Variants in SSU72 observed in about 807,000 individuals in gnomAD.
SSU72 encodes SSU72 homolog, RNA polymerase II CTD phosphatase.
SSU72 carries 12 observed loss-of-function variants against 22.7 expected under a neutral mutation model. That is an observed-to-expected ratio of 0.53 (90% CI 0.34 to 0.86). The LOEUF (loss-of-function observed/expected upper bound fraction) is 0.86, where lower values mean the gene tolerates loss of function less well. SSU72 is among the 40% of genes least tolerant of loss of function. The probability of loss-of-function intolerance (pLI) is 0.02; values close to 1 mark genes in which losing one functional copy is unlikely to be tolerated. For missense variants in SSU72, 151 were observed against 249.8 expected (o/e 0.60, Z 2.67); for synonymous variants, 116 against 98.3 (o/e 1.18, Z -1.06).
At chr1:1,544,721 T>G in intron 3 of SSU72, 142 bp downstream of exon 3, 1 of 1,210,848 alleles carries the variant, frequency 8.3e-7, no homozygotes. Context: ...CTGCCTGCCT[T>G]CCAGGGTGCT....
At position 1,554,661 on chromosome 1, in the gene SSU72, A is replaced by G. The variant is rs1263924099; in HGVS notation, c.225-9659T>C. 6.6e-6 allele frequency among the ~76,000 whole-genome samples: 1 copy of G among 152,082 alleles called. No individual in the cohort carries two copies. The highest frequency in any genetic ancestry group is 6.6e-5 in the Admixed American group (1 of 15,260). Reference sequence around the variant, plus strand: ...ACTACCCTGCTATGAGTCACCAGGGACTTGAAAGGGAACCCACAGGCACTG... The same window carrying G: ...ACTACCCTGCTATGAGTCACCAGGGGCTTGAAAGGGAACCCACAGGCACTG... On this transcript the variant is annotated intron_variant, in intron 2 of 4. Coordinates refer to ENST00000291386, the MANE Select transcript of SSU72 (RefSeq NM_014188.3). The surrounding 1 kb of genome is among the most constrained non-coding windows in gnomAD (Gnocchi z 4.1).
intron 1 of SSU72, among the ~76,000 whole-genome samples, 164 bp downstream of exon 1, chr1:1,574,314 A>G (rs971927087): frequency 6.6e-6 from 1 of 152,040 alleles, no homozygotes; most frequent in African/African-American, 2.4e-5. Flanking sequence ...CCGCGTGTGG[A>G]CTACGCGCGC....
At chr1:1,556,600 G>A (rs1642524630) in intron 2 of SSU72, among the ~76,000 whole-genome samples, 1 of 152,116 alleles carries the variant, frequency 6.6e-6, no homozygotes, top group African/African-American at 2.4e-5. Context: ...CACAGAGGCT[G>A]CACAAACAGA....
chr1:1,559,275 C>T (rs1380946963), intron 2 of SSU72, among the ~76,000 whole-genome samples: 16 of 152,092 alleles, frequency 1.1e-4, no homozygotes, highest in Admixed American at 7.9e-4. Flanking sequence ...GTGGAACGGG[C>T]GGACCTGTAG....
chr1:1,556,516 G>T (rs1642523240), intron 2 of SSU72, among the ~76,000 whole-genome samples: 1 of 152,052 alleles, frequency 6.6e-6, no homozygotes, highest in Non-Finnish European at 1.5e-5. Context: ...ACTCCAGCCT[G>T]GGCAAAAAGA....
intron 3 of SSU72, 142 bp from the exon 4 acceptor site, chr1:1,544,129 A>G (rs1570379185): frequency 4.8e-6 from 3 of 630,858 alleles, no homozygotes; most frequent in Non-Finnish European, 5.5e-6. Flanking sequence ...GGGGAGCACA[A>G]TGAATGAGCC....
intron 2 of SSU72, chr1:1,564,469 T>C (rs1642633625): frequency 6.8e-7 from 1 of 1,470,480 alleles, no homozygotes; most frequent in African/African-American, 1.4e-5. Flanking sequence ...TGGGATTTTG[T>C]GGGTTCCACC....
At chr1:1,557,668 C>A (rs1394538594) in intron 2 of SSU72, among the ~76,000 whole-genome samples, 1 of 148,620 alleles carries the variant, frequency 6.7e-6, no homozygotes, top group Non-Finnish European at 1.5e-5. Flanking sequence ...GGTGGTACGC[C>A]GCACCTGTAA....
intron 1 of SSU72, among the ~76,000 whole-genome samples, chr1:1,568,605 C>T (rs1261247705): frequency 6.6e-6 from 1 of 151,892 alleles, no homozygotes; most frequent in Non-Finnish European, 1.5e-5. Context: ...GACTCTGTCT[C>T]AAAAAAACTC....
At chr1:1,547,103 G>A (rs1642399831) in intron 2 of SSU72, among the ~76,000 whole-genome samples, 1 of 152,172 alleles carries the variant, frequency 6.6e-6, no homozygotes, top group South Asian at 2.1e-4. Flanking sequence ...AGGGGCAGGT[G>A]CAGGGACCGG....
intron 2 of SSU72, among the ~76,000 whole-genome samples, chr1:1,559,202 A>T (rs1027628585): frequency 6.6e-6 from 1 of 152,250 alleles, no homozygotes; most frequent in African/African-American, 2.4e-5. Flanking sequence ...AAAAGGCTGC[A>T]TATGAACTGG....
chr1:1,559,191 C>T (rs994854147), intron 2 of SSU72, among the ~76,000 whole-genome samples: 4 of 152,294 alleles, frequency 2.6e-5, no homozygotes, highest in African/African-American at 9.6e-5. Context: ...AGCGAAAGAA[C>T]AAAAGGCTGC....
intron 1 of SSU72, among the ~76,000 whole-genome samples, chr1:1,565,476 G>C (rs556313338): frequency 1.3e-5 from 2 of 152,232 alleles, no homozygotes; most frequent in African/African-American, 4.8e-5. Flanking sequence ...ATGTGGACTT[G>C]GGGAAGATTT....
At chr1:1,562,427 A>C (rs934646621) in intron 2 of SSU72, 1 of 152,298 alleles carries the variant, frequency 6.6e-6, no homozygotes, top group Non-Finnish European at 1.5e-5. Flanking sequence ...CCCAGCCCCA[A>C]ACCAGACTCT....
chr1:1,567,226 C>T (rs924817780), intron 1 of SSU72, among the ~76,000 whole-genome samples: 4 of 152,226 alleles, frequency 2.6e-5, no homozygotes, highest in South Asian at 2.1e-4. Context: ...CCACCACACA[C>T]GTCACCCACA....
chr1:1,553,437 C>T (rs937589690), intron 2 of SSU72, among the ~76,000 whole-genome samples: 2 of 152,056 alleles, frequency 1.3e-5, no homozygotes, highest in Non-Finnish European at 2.9e-5. Context: ...TCGAGATCAT[C>T]CTTGCTAACA....
In SSU72 at chr1:1,548,245, G is replaced by A. The variant is rs75437521; in HGVS notation, c.225-3243C>T. 1.1e-3 allele frequency among the ~76,000 whole-genome samples: 165 copies of A among 152,324 alleles called. 2 individuals are homozygous for A. In the East Asian group the frequency reaches 0.03, roughly 27 times the overall value. On this transcript the variant is annotated intron_variant, in intron 2 of 4. Transcript: ENST00000291386. ...ACAGAGGCACACAGGAGCCTCAGCT[G>A]AAGTTAACACACATCTAAGAAATAA...
At chr1:1,560,977 C>T (rs1642583183) in intron 2 of SSU72, 1 of 152,240 alleles carries the variant, frequency 6.6e-6, no homozygotes, top group Non-Finnish European at 1.5e-5. Flanking sequence ...CACAGAGAAA[C>T]CTAAGCCCTG....
intron 2 of SSU72, chr1:1,546,497 A>C (rs1642390470): frequency 6.6e-6 from 1 of 152,262 alleles, no homozygotes; most frequent in Non-Finnish European, 1.5e-5. Context: ...AAGTCTGCGG[A>C]AAGAAGAGCT....
Sources: allele counts gnomAD v4.1 joint callset (sites outside exome capture counted in the v4.1 genomes callset), GRCh38; gene constraint gnomAD v4.1.1; non-coding constraint Gnocchi (gnomAD v3.1); transcripts MANE v1.5; gene names NCBI Gene and HGNC (gene_info 2026-07-23, HGNC 2026-07-21).